Variants in C2 observed in about 807,000 individuals in gnomAD.
The protein encoded by C2 is complement C2.
A neutral mutation model predicts 85.2 loss-of-function variants in C2; 64 were observed. That is an observed-to-expected ratio of 0.75 (90% CI 0.61 to 0.92). The LOEUF (loss-of-function observed/expected upper bound fraction) is 0.92, where lower values mean the gene tolerates loss of function less well. C2 is among the 40% of genes least tolerant of loss of function. The pLI is 0.00. For missense variants in C2, 820 were observed against 971.6 expected (o/e 0.84, Z 2.07); for synonymous variants, 311 against 370.8 (o/e 0.84, Z 1.85).
chr6:31,901,412 G>GC (rs1767255198), intron 1 of C2: 1 of 1,240,952 alleles, frequency 8.1e-7, no homozygotes, highest in Non-Finnish European at 1.1e-6. Context: ...TTCTTGCCCA[G>GC]CCCCCCGGCA....
In C2 at chr6:31,928,179, G is replaced by A. The variant is rs776779374; in HGVS notation, c.256+15G>A. 9 of 1,597,396 alleles carry A rather than the reference G, an allele frequency of 5.6e-6. No individual in the cohort carries two copies. The South Asian group carries it at 8.9e-5, about 16-fold the overall frequency. On this transcript the variant is annotated intron_variant, in intron 2 of 17. Coordinates refer to ENST00000299367, the MANE Select transcript of C2 (RefSeq NM_000063.6). ...GGTCTGCAAACGTGAGGCTCCCTGTGGGCTTTGCTCAGGGTGCTACACCAG... is the reference window on the plus strand; with the variant it reads ...GGTCTGCAAACGTGAGGCTCCCTGTAGGCTTTGCTCAGGGTGCTACACCAG...
At chr6:31,942,067 C>T (rs1452386304) in intron 9 of C2, among the ~76,000 whole-genome samples, 2 of 151,044 alleles carry the variant, frequency 1.3e-5, no homozygotes, top group African/African-American at 4.9e-5. Context: ...CTGCCCGCCT[C>T]AGCCTCCCAG....
upstream of C2, among the ~76,000 whole-genome samples, chr6:31,898,181 C>T (rs1766840822): frequency 6.6e-6 from 1 of 152,176 alleles, no homozygotes; most frequent in South Asian, 2.1e-4. Context: ...TGCTTCATGT[C>T]CCCTGGAGCA....
intron 1 of C2, among the ~76,000 whole-genome samples, chr6:31,906,035 AATCT>A (rs1767692477): frequency 6.6e-6 from 1 of 152,048 alleles, no homozygotes; most frequent in African/African-American, 2.4e-5. Flanking sequence ...TTTCCTGAGC[AATCT>A]ATAGGAAAGG....
At chr6:31,899,227 TTC>T (rs201087775), upstream of C2, among the ~76,000 whole-genome samples, 2,135 of 151,078 alleles carry the variant, frequency 0.014, 37 homozygotes, top group Admixed American at 0.03. Flanking sequence ...CCTTCTTGTG[TTC>T]TTTCTTTTCT....
Position 31,920,026 on chromosome 6 carries a change from G to A in C2, c.-100G>A, listed in dbSNP as rs944773329. On this transcript the variant is annotated splice_region_variant and 5_prime_UTR_variant, in exon 1 of 4. Transcript: ENST00000413154. This position sits in a 1 kb window ranked among gnomAD's most constrained non-coding sequence, Gnocchi z 5.6. ...CTGTGGATGACAGGTGACAAAACAG[G>A]GTGAGTAAGGCTACGAAATAGCTAA... 3.3e-5 allele frequency: 5 copies of A among 152,202 alleles called. No homozygotes were observed. Among genetic ancestry groups the A allele is most frequent in the East Asian group, 1.9e-4 (1 of 5,204 alleles). The allele number at this position is 152,202 out of a possible 1,614,324, so 9.4% of individuals were successfully genotyped here.
upstream of C2, chr6:31,900,874 C>G: frequency 3.1e-6 from 5 of 1,613,758 alleles, no homozygotes; most frequent in South Asian, 4.4e-5. This position sits in a 1 kb window ranked among gnomAD's most constrained non-coding sequence, Gnocchi z 9.7. Context: ...TGATGCTGCT[C>G]ACAAGGCTAG....
In C2 at chr6:31,935,792, C is replaced by T. The variant is rs1035344795; in HGVS notation, c.850-131C>T. ...CTTCCTAACAGCCATTTCCTAGTGT[C>T]TCCCCTGGTCCTTGCCTCTGTCGGT... On this transcript the variant is annotated intron_variant, in intron 6 of 17. Transcript: ENST00000299367. The surrounding 1 kb of genome is among the most constrained non-coding windows in gnomAD (Gnocchi z 4.3). 8 of 993,988 alleles carry T rather than the reference C, an allele frequency of 8.0e-6. No homozygotes were observed. The highest frequency in any genetic ancestry group is 1.3e-5 in the Non-Finnish European group (8 of 634,166). 61.6% of individuals were successfully genotyped at this position (993,988 alleles called of 1,614,324 possible). A position where few individuals can be genotyped will look rare whatever the true frequency, so the allele number is the denominator to read the frequency against.
chr6:31,932,443 G>A, intron 3 of C2: 2 of 294,270 alleles, frequency 6.8e-6, no homozygotes, highest in Non-Finnish European at 1.4e-5. Context: ...CTCAGACGGG[G>A]CGGCCGGGCA....
At chr6:31,900,931 C>G, upstream of C2, 2 of 1,614,194 alleles carry the variant, frequency 1.2e-6, no homozygotes, top group Non-Finnish European at 1.7e-6. The surrounding 1 kb of genome is among the most constrained non-coding windows in gnomAD (Gnocchi z 9.7). Flanking sequence ...GCTCAATGAA[C>G]TGGCTGAGGG....
Position 31,943,299 on chromosome 6 carries a change from C to A in C2, c.1435C>A (p.Pro479Thr). ...AAACGCCTCTGACCAGGAGAGGACA[C>A]CCTGGCATGTCACTATTAAGGTACC... ...SANASDQERT[P>T]WHVTIKPKSQ... The change falls in exon 11 of 18, where the codon CCC (proline) becomes ACC (threonine). Residue 479 changes from proline to threonine, a missense_variant. Transcript: ENST00000299367. The surrounding 1 kb of genome is among the most constrained non-coding windows in gnomAD (Gnocchi z 6.4). 3.1e-6 allele frequency: 5 copies of A among 1,612,836 alleles called. No homozygotes were observed. The highest frequency in any genetic ancestry group is 4.2e-6 in the Non-Finnish European group (5 of 1,179,816).
In C2 at chr6:31,909,603, CT is replaced by C. The variant is rs879276738; in HGVS notation, c.73+8477del. The stretch of plus-strand genomic sequence containing the variant: ...ATGGCATTTGCTCCCCCGCCCACCT[CT>C]TTTTTTTTTTTTGTAGAGATGAAGT... On this transcript the variant is annotated intron_variant, in intron 1 of 3. Transcript: ENST00000452202. Among the ~76,000 whole-genome samples the C allele has an allele frequency of 1.0e-3, 151 of 144,252 alleles. 1 individual carries two copies. Among genetic ancestry groups the C allele is most frequent in the Middle Eastern group, 3.6e-3 (1 of 276 alleles). The allele number at this position is 144,252 out of a possible 152,430, so 94.6% of individuals were successfully genotyped here. A position where few individuals can be genotyped will look rare whatever the true frequency, so the allele number is the denominator to read the frequency against.
At chr6:31,930,548 T>C (rs2081199713) in intron 3 of C2, among the ~76,000 whole-genome samples, 1 of 152,206 alleles carries the variant, frequency 6.6e-6, no homozygotes. Context: ...TTGCTGCCCC[T>C]GTGAATGGTG....
chr6:31,903,687 G>A (rs1384204260), intron 1 of C2, among the ~76,000 whole-genome samples: 1 of 152,058 alleles, frequency 6.6e-6, no homozygotes, highest in East Asian at 1.9e-4. Context: ...ATTCCTCTTT[G>A]GCTCAGCCAG....
chr6:31,945,288 C>G lies in C2; in HGVS notation c.2190C>G (p.Ile730Met). The G allele has an allele frequency of 6.2e-7, 1 of 1,613,076 alleles. No individual in the cohort carries two copies. Among genetic ancestry groups the G allele is most frequent in the Non-Finnish European group, 8.5e-7 (1 of 1,180,026 alleles). Residue 730 changes from isoleucine (I) to methionine (M), a missense_variant, in exon 18 of 18, where the codon ATC becomes ATG. Ile to Met is a conservative substitution (Grantham distance 10). Coordinates refer to ENST00000299367, the MANE Select transcript of C2 (RefSeq NM_000063.6). The surrounding 1 kb of genome is among the most constrained non-coding windows in gnomAD (Gnocchi z 5.3). ...SKVPPPRDFH[I>M]NLFRMQPWLR... ...TCCCGCCGCCACGAGACTTTCACAT[C>G]AATCTCTTCCGCATGCAGCCCTGGC...
rs1771337785 is a variant in C2 at position 31,945,565 on chromosome 6, C to T, written c.*208C>T. The stretch of plus-strand genomic sequence containing the variant: ...CTGCCTCGCTGCCCCACCTCCCGCT[C>T]CTTGGCCTGTCCCCAGATTCCTTCC... On this transcript the variant is annotated 3_prime_UTR_variant, in exon 18 of 18. Coordinates refer to ENST00000299367, the MANE Select transcript of C2 (RefSeq NM_000063.6). This position sits in a 1 kb window ranked among gnomAD's most constrained non-coding sequence, Gnocchi z 5.3. 3.3e-6 allele frequency: 2 copies of T among 609,388 alleles called. No homozygotes were observed. Among genetic ancestry groups the T allele is most frequent in the African/African-American group, 1.8e-5 (1 of 54,258 alleles). 37.7% of individuals were successfully genotyped at this position (609,388 alleles called of 1,614,324 possible).
chr6:31,944,157 G>A lies in C2; in HGVS notation c.1833G>A (p.Gln611=), dbSNP rs1240343182. Residue 611 remains glutamine, a synonymous_variant, in exon 15 of 18, where the codon CAG becomes CAA. Coordinates refer to ENST00000299367, the MANE Select transcript of C2 (RefSeq NM_000063.6). This position sits in a 1 kb window ranked among gnomAD's most constrained non-coding sequence, Gnocchi z 5.1. ...TAGAGAATGAACTGCTGAACAAACA[G>A]AGTGTTCCTGCTCATTTTGTCGCCT... ...RDHENELLNK[Q]SVPAHFVALN... is the part of the protein sequence containing the mutation. The A allele has an allele frequency of 6.2e-7, 1 of 1,612,780 alleles. No homozygotes were observed. The highest frequency in any genetic ancestry group is 1.1e-5 in the South Asian group (1 of 91,070).
intron 3 of C2, among the ~76,000 whole-genome samples, chr6:31,929,717 C>CAAAA (rs9279455): frequency 1.2e-4 from 5 of 42,518 alleles, no homozygotes; most frequent in Non-Finnish European, 1.6e-4. Context: ...GACTCTGTCT[C>CAAAA]AAAAAAAAAA....
rs547881286 is a variant in C2 at position 31,928,153 on chromosome 6, C to A, written c.245C>A (p.Ala82Glu). 1 of 1,609,034 alleles carries A rather than the reference C, an allele frequency of 6.2e-7. No individual in the cohort carries two copies. Among genetic ancestry groups the A allele is most frequent in the Non-Finnish European group, 8.5e-7 (1 of 1,179,444 alleles). The change falls in exon 2 of 18, where the codon GCG (alanine) becomes GAG (glutamate). Residue 82 changes from alanine to glutamate, a missense_variant. Ala to Glu is a moderately radical substitution (Grantham distance 107, BLOSUM62 -1). Coordinates refer to ENST00000299367, the MANE Select transcript of C2 (RefSeq NM_000063.6). ...TPGATRSLSK[A>E]VCKPVRCPAP... ...GGAGCCACCCGGTCTCTGTCTAAGG[C>A]GGTCTGCAAACGTGAGGCTCCCTGT... is the stretch of plus-strand genomic sequence containing the variant.
Sources: gnomAD v4.1 joint callset for allele counts (sites outside exome capture counted in the v4.1 genomes callset) on GRCh38, gnomAD v4.1.1 for gene constraint, Gnocchi (gnomAD v3.1) non-coding constraint, MANE v1.5 for transcripts, NCBI Gene and HGNC (gene_info 2026-07-23, HGNC 2026-07-21) for gene names.